The following APLN variants were observed in gnomAD, a reference collection of about 807,000 sequenced individuals.
The protein encoded by APLN is AGTRL1 ligand.
In APLN, 2 loss-of-function variants were observed where a neutral mutation model predicts 4.3. That is an observed-to-expected ratio of 0.46 (90% confidence interval 0.19 to 1.45). The LOEUF is 1.45. Among genes scored for constraint, APLN ranks in the 40% most tolerant of loss-of-function variants. The pLI is 0.25. For missense variants in APLN, 80 were observed against 70.0 expected (o/e 1.14, Z -0.51); for synonymous variants, 34 against 30.4 (o/e 1.12, Z -0.38).
At chrX:129,649,373 G>A (rs933922966) in intron 1 of APLN, among the ~76,000 whole-genome samples, 20 of 111,243 alleles carry the variant, frequency 1.8e-4, no homozygotes, top group African/African-American at 6.5e-4. Context: ...ACCCACTTGT[G>A]AGTACTAGGG....
Position 129,648,747 on chromosome X carries a change from T to C in APLN, c.113A>G (p.Asn38Ser). ...LPDGNGLEDG[N>S]VRHLVQPRGS... ...TCTGGGCTGCACCAGGTGGCGGACA[T>C]TGCCGTCTTCCAGCCCATTCCCATC... Residue 38 changes from asparagine to serine, a missense_variant, in exon 2 of 3, where the codon AAT becomes AGT. Physicochemically the swap from Asn to Ser is conservative, Grantham distance 46. Transcript: ENST00000429967. The C allele has an allele frequency of 4.3e-6, 5 of 1,175,985 alleles. No individual in the cohort carries two copies. Among genetic ancestry groups the C allele is most frequent in the African/African-American group, 1.8e-5 (1 of 56,901 alleles).
Position 129,647,727 on chromosome X carries a change from A to T in APLN, c.*196T>A, listed in dbSNP as rs781707020. ...GGACTGGACGGATTCTTGTGAGAGA[A>T]CGGGAATCATCCAAACTACAGCCAG... is the stretch of plus-strand genomic sequence containing the variant. On this transcript the variant is annotated 3_prime_UTR_variant, in exon 3 of 3. Coordinates refer to ENST00000429967, the MANE Select transcript of APLN (RefSeq NM_017413.5). The T allele has an allele frequency of 3.1e-6, 3 of 982,692 alleles. No individual in the cohort carries two copies. The highest frequency in any genetic ancestry group is 4.0e-6 in the Non-Finnish European group (3 of 756,056). 81.0% of individuals were successfully genotyped at this position (982,692 alleles called of 1,213,427 possible).
chrX:129,648,608 G>A lies in APLN; in HGVS notation c.*5+13C>T. ...CCGCTTTAGCACTGTCCACTGAACA[G>A]AGGCTCAAGTACCTGCTTCAGAAAG... is the stretch of plus-strand genomic sequence containing the variant. On this transcript the variant is annotated intron_variant, in intron 2 of 2. Coordinates refer to ENST00000429967, the MANE Select transcript of APLN (RefSeq NM_017413.5). The A allele has an allele frequency of 8.3e-7, 1 of 1,204,765 alleles. No homozygotes were observed. Among genetic ancestry groups the A allele is most frequent in the Middle Eastern group, 2.3e-4 (1 of 4,336 alleles).
At chrX:129,649,257 A>T (rs1936962924) in intron 1 of APLN, among the ~76,000 whole-genome samples, 1 of 112,508 alleles carries the variant, frequency 8.9e-6, no homozygotes, top group African/African-American at 3.2e-5. Context: ...AGATGGAGTC[A>T]CATATGCTTT....
chrX:129,654,413 T>C lies in APLN; in HGVS notation c.67+151A>G, dbSNP rs5977130. On this transcript the variant is annotated intron_variant, in intron 1 of 2. Coordinates refer to ENST00000429967, the MANE Select transcript of APLN (RefSeq NM_017413.5). ...CCAGCCGCCCCATGGCTCGGGGCGC[T>C]CTGTCAATCTGCTGCCTGGCGCTGG... 79,564 of 423,608 alleles carry C rather than the reference T, an allele frequency of 0.19. 13,784 individuals are homozygous for C. Among genetic ancestry groups the C allele is most frequent in the East Asian group, 0.8 (16,447 of 20,637 alleles). 34.9% of individuals were successfully genotyped at this position (423,608 alleles called of 1,213,427 possible). A position where few individuals can be genotyped will look rare whatever the true frequency, so the allele number is the denominator to read the frequency against.
Position 129,648,741 on chromosome X carries a change from C to T in APLN, c.119G>A (p.Arg40His), listed in dbSNP as rs368481288. ...TGACCCTCTGGGCTGCACCAGGTGG[C>T]GGACATTGCCGTCTTCCAGCCCATT... ...DGNGLEDGNV[R>H]HLVQPRGSRN... Residue 40 changes from arginine to histidine, a missense_variant, in exon 2 of 3, where the codon CGC (arginine) becomes CAC (histidine). Transcript: ENST00000429967. The T allele has an allele frequency of 2.6e-5, 31 of 1,174,500 alleles. No homozygotes were observed. The highest frequency in any genetic ancestry group is 3.2e-5 in the Non-Finnish European group (28 of 876,860).
chrX:129,652,435 C>T (rs1010919194), intron 1 of APLN, among the ~76,000 whole-genome samples: 1 of 111,467 alleles, frequency 9.0e-6, no homozygotes, highest in Non-Finnish European at 1.9e-5. Flanking sequence ...CCAGTCCGGG[C>T]CAAGGACAAA....
rs748011517 is a variant in APLN at position 129,654,467 on chromosome X, G to T, written c.67+97C>A. ...GCGCGTGGCTGCTACTGCACGGCTCGCGCCGGGCTCCCCGGGAGGCGGGGA... is the reference window on the plus strand; with the variant it reads ...GCGCGTGGCTGCTACTGCACGGCTCTCGCCGGGCTCCCCGGGAGGCGGGGA... On this transcript the variant is annotated intron_variant, in intron 1 of 2. Transcript: ENST00000429967. 5.4e-5 allele frequency: 46 copies of T among 851,917 alleles called. 1 individual carries two copies. In the South Asian group the frequency reaches 1.3e-3, roughly 25 times the overall value. The allele number at this position is 851,917 out of a possible 1,213,427, so 70.2% of individuals were successfully genotyped here. A position where few individuals can be genotyped will look rare whatever the true frequency, so the allele number is the denominator to read the frequency against.
chrX:129,653,539 C>A (rs1301043462), intron 1 of APLN, among the ~76,000 whole-genome samples: 2 of 112,635 alleles, frequency 1.8e-5, no homozygotes, highest in East Asian at 2.8e-4. Flanking sequence ...GCAATGACAG[C>A]CAGATCATAG....
Position 129,654,480 on chromosome X carries a change from C to A in APLN, c.67+84G>T, listed in dbSNP as rs982156450. ...ACTGCACGGCTCGCGCCGGGCTCCC[C>A]GGGAGGCGGGGAGAGTGCGAATAGG... On this transcript the variant is annotated intron_variant, in intron 1 of 2. Coordinates refer to ENST00000429967, the MANE Select transcript of APLN (RefSeq NM_017413.5). The A allele has an allele frequency of 7.6e-5, 72 of 948,956 alleles. No individual in the cohort carries two copies. In the Middle Eastern group the frequency reaches 1.1e-3, roughly 15 times the overall value. The allele number at this position is 948,956 out of a possible 1,213,427, so 78.2% of individuals were successfully genotyped here. A position where few individuals can be genotyped will look rare whatever the true frequency, so the allele number is the denominator to read the frequency against.
Position 129,647,902 on chromosome X carries a change from G to A in APLN, c.*21C>T, listed in dbSNP as rs937088058. The A allele has an allele frequency of 3.1e-6, 3 of 980,970 alleles. No individual in the cohort carries two copies. The highest frequency in any genetic ancestry group is 4.0e-5 in the African/African-American group (2 of 49,924). The allele number at this position is 980,970 out of a possible 1,213,427, so 80.8% of individuals were successfully genotyped here. ...ACATAACCGCCGGGGGTGGGCACTT[G>A]GGGGCCCCTTCAGTCCTAAGGAGAC... On this transcript the variant is annotated 3_prime_UTR_variant, in exon 3 of 3. Coordinates refer to ENST00000429967, the MANE Select transcript of APLN (RefSeq NM_017413.5).
chrX:129,647,367 A>C lies in APLN; in HGVS notation c.*556T>G. 4.2e-6 allele frequency: 1 copy of C among 240,682 alleles called. No homozygotes were observed. The highest frequency in any genetic ancestry group is 7.8e-6 in the Non-Finnish European group (1 of 128,994). The allele number at this position is 240,682 out of a possible 1,213,427, so 19.8% of individuals were successfully genotyped here. ...TCCACCCACTTCACCAGAGCTCCTG[A>C]AAACCACCCTGGCACTTCCATGCCC... On this transcript the variant is annotated 3_prime_UTR_variant, in exon 3 of 3. Coordinates refer to ENST00000429967, the MANE Select transcript of APLN (RefSeq NM_017413.5).
chrX:129,653,679 A>C (rs1208579394), intron 1 of APLN, among the ~76,000 whole-genome samples: 1 of 112,678 alleles, frequency 8.9e-6, no homozygotes. Flanking sequence ...ACTAGTGCCA[A>C]GTATTGGCAG....
At chrX:129,653,424 C>T (rs1424781886) in intron 1 of APLN, among the ~76,000 whole-genome samples, 7 of 112,894 alleles carry the variant, frequency 6.2e-5, no homozygotes, top group African/African-American at 2.3e-4. Flanking sequence ...ACTCACTGCC[C>T]TGCCTTCTCC....
At position 129,648,794 on chromosome X, in the gene APLN, TG is replaced by T; in HGVS notation, c.68-3del. 8.6e-7 allele frequency: 1 copy of T among 1,158,994 alleles called. No homozygotes were observed. The highest frequency in any genetic ancestry group is 1.2e-6 in the Non-Finnish European group (1 of 869,078). ...CATCGGGAAGCGGCATCAGGGACCC[TG>T]CAGGAAGGAGAAAGCCTGTTAGTGA... On this transcript the variant is annotated splice_region_variant and splice_polypyrimidine_tract_variant and intron_variant, in intron 1 of 2. Transcript: ENST00000429967.
Position 129,652,327 on chromosome X carries a change from C to T in APLN, c.67+2237G>A, listed in dbSNP as rs186906860. Among the ~76,000 whole-genome samples, 432 of 110,731 alleles carry T rather than the reference C, an allele frequency of 3.9e-3. 4 individuals are homozygous for T. Among genetic ancestry groups the T allele is most frequent in the African/African-American group, 0.013 (406 of 30,379 alleles). The stretch of plus-strand genomic sequence containing the variant: ...GATGAGAGGCAGCGTGGAGAGGGGT[C>T]GGGGGTGGACATTTCAAGTCAGGAC... On this transcript the variant is annotated intron_variant, in intron 1 of 2. Coordinates refer to ENST00000429967, the MANE Select transcript of APLN (RefSeq NM_017413.5).
rs1264610862 is a variant in APLN, at chrX:129,645,804, A to G, written c.*2119T>C. ...AACATGACCTCCAAGAGTAAGGGCG[A>G]ACTGTCAGCTTTTAACTGTTTATTA... On this transcript the variant is annotated 3_prime_UTR_variant, in exon 3 of 3. Coordinates refer to ENST00000429967, the MANE Select transcript of APLN (RefSeq NM_017413.5). 8.9e-6 allele frequency: 1 copy of G among 112,912 alleles called. No homozygotes were observed. The highest frequency in any genetic ancestry group is 3.2e-5 in the African/African-American group (1 of 30,980). 9.3% of individuals were successfully genotyped at this position (112,912 alleles called of 1,213,427 possible).
rs1018298954 is a variant in APLN at position 129,647,685 on chromosome X, G to A, written c.*238C>T. ...GGCTAGGTCTCCAAAGTCAGTCCAG[G>A]GAGGGGCCAGGAAGATGGACTGGAC... On this transcript the variant is annotated 3_prime_UTR_variant, in exon 3 of 3. Coordinates refer to ENST00000429967, the MANE Select transcript of APLN (RefSeq NM_017413.5). 6.1e-6 allele frequency: 6 copies of A among 981,001 alleles called. No homozygotes were observed. Among genetic ancestry groups the A allele is most frequent in the Non-Finnish European group, 5.3e-6 (4 of 755,821 alleles). The allele number at this position is 981,001 out of a possible 1,213,427, so 80.8% of individuals were successfully genotyped here. A position where few individuals can be genotyped will look rare whatever the true frequency, so the allele number is the denominator to read the frequency against.
In APLN at chrX:129,646,346, T is replaced by A. The variant is rs1468485524; in HGVS notation, c.*1577A>T. 1.8e-5 allele frequency: 2 copies of A among 112,720 alleles called. No homozygotes were observed. The highest frequency in any genetic ancestry group is 1.9e-5 in the Non-Finnish European group (1 of 53,180). The allele number at this position is 112,720 out of a possible 1,213,427, so 9.3% of individuals were successfully genotyped here. On this transcript the variant is annotated 3_prime_UTR_variant, in exon 3 of 3. Coordinates refer to ENST00000429967, the MANE Select transcript of APLN (RefSeq NM_017413.5). ...ACACACAAAGTTGGGCATCAGGCTCTTGTCTTCTCTTTCTCCCTCCTGGGA... is the reference window on the plus strand; with the variant it reads ...ACACACAAAGTTGGGCATCAGGCTCATGTCTTCTCTTTCTCCCTCCTGGGA...
Sources: allele counts gnomAD v4.1 joint callset (sites outside exome capture counted in the v4.1 genomes callset), GRCh38; gene constraint gnomAD v4.1.1; transcripts MANE v1.5; gene names NCBI Gene and HGNC (gene_info 2026-07-23, HGNC 2026-07-21).